The following PCDH15 variants were observed in gnomAD, a reference collection of about 807,000 sequenced individuals.
PCDH15 encodes the protein protocadherin related 15, also known as protocadherin-15.
PCDH15 carries 129 observed loss-of-function variants against 178.5 expected under a neutral mutation model. The observed-to-expected ratio is 0.72, with a 90% CI of 0.63 to 0.84. The LOEUF is 0.84. PCDH15 is among the 40% of genes least tolerant of loss of function. PCDH15 has a pLI of 0.00. For synonymous variants in PCDH15, 800 were observed against 732.0 expected (o/e 1.09, Z -1.50); for missense variants, 2,230 against 2,099.9 (o/e 1.06, Z -1.21).
chr10:55,441,392 G>T (rs7909958), intron 2 of PCDH15, among the ~76,000 whole-genome samples: 116,458 of 152,148 alleles, frequency 0.77, 45,927 homozygotes, highest in East Asian at 0.99. Context: ...ATTTTAAATT[G>T]AGAGATTGTC....
intron 3 of PCDH15, among the ~76,000 whole-genome samples, chr10:54,823,521 T>C (rs553828342): frequency 2.2e-4 from 34 of 152,264 alleles, no homozygotes; most frequent in Non-Finnish European, 4.1e-4. Context: ...TAAGCATTTT[T>C]ATATATTTTT....
chr10:54,762,147 A>G (rs1356045400), intron 1 of PCDH15, among the ~76,000 whole-genome samples: 5 of 152,034 alleles, frequency 3.3e-5, no homozygotes, highest in Admixed American at 1.3e-4. Flanking sequence ...GTCAGAGCAT[A>G]TTAATCATAA....
chr10:55,115,721 A>T (rs371126265), intron 2 of PCDH15, among the ~76,000 whole-genome samples: 2 of 152,282 alleles, frequency 1.3e-5, no homozygotes, highest in African/African-American at 4.8e-5. Flanking sequence ...TTCATCTTCC[A>T]TCTGCCATGT....
At chr10:53,953,813 G>A (rs1032620631) in intron 23 of PCDH15, among the ~76,000 whole-genome samples, 5 of 152,024 alleles carry the variant, frequency 3.3e-5, no homozygotes, top group African/African-American at 9.7e-5. Context: ...GTTCTGAGAC[G>A]AAGTCTTGCT....
intron 3 of PCDH15, among the ~76,000 whole-genome samples, chr10:54,856,951 T>A (rs1200947648): frequency 6.6e-6 from 1 of 151,696 alleles, no homozygotes; most frequent in Non-Finnish European, 1.5e-5. Context: ...TTTGTGCTGT[T>A]TTGTTTTTGT....
chr10:54,493,975 C>T (rs1434341585), intron 3 of PCDH15, among the ~76,000 whole-genome samples: 1 of 151,324 alleles, frequency 6.6e-6, no homozygotes, highest in Non-Finnish European at 1.5e-5. Flanking sequence ...TCTCAGTAAA[C>T]TATCGCAAGG....
chr10:54,367,549 A>G (rs1946986663), intron 5 of PCDH15, among the ~76,000 whole-genome samples: 1 of 151,918 alleles, frequency 6.6e-6, no homozygotes. Flanking sequence ...TCAGCAAACT[A>G]ACAAGAACAG....
intron 1 of PCDH15, among the ~76,000 whole-genome samples, chr10:54,735,062 T>A (rs1943913743): frequency 6.6e-6 from 1 of 152,046 alleles, no homozygotes; most frequent in Non-Finnish European, 1.5e-5. Context: ...ATATGAAAAC[T>A]AAATCATAAT....
chr10:54,896,589 G>A (rs1954549243), intron 3 of PCDH15, among the ~76,000 whole-genome samples: 1 of 141,622 alleles, frequency 7.1e-6, no homozygotes, highest in South Asian at 2.1e-4. Flanking sequence ...CCAATAAGAT[G>A]TTTTTTTAAA....
intron 2 of PCDH15, among the ~76,000 whole-genome samples, chr10:54,567,775 G>C (rs1468699558): frequency 2.0e-5 from 3 of 151,982 alleles, no homozygotes; most frequent in Non-Finnish European, 4.4e-5. Flanking sequence ...AATCAAAATA[G>C]GTCAAGATAT....
chr10:53,846,020 G>A (rs1004891290), intron 28 of PCDH15, among the ~76,000 whole-genome samples: 1 of 92,320 alleles, frequency 1.1e-5, no homozygotes, highest in African/African-American at 4.6e-5. Context: ...TAGTGTATGT[G>A]TATACACACA....
chr10:55,027,084 T>G (rs1289206713), intron 2 of PCDH15, among the ~76,000 whole-genome samples: 2 of 151,972 alleles, frequency 1.3e-5, no homozygotes, highest in Non-Finnish European at 2.9e-5. Flanking sequence ...GATGAAAGGT[T>G]AGCTGGTAGT....
At chr10:54,105,293 TATATATATATATATATATATATATAC>T (rs2094894685) in intron 15 of PCDH15, among the ~76,000 whole-genome samples, 1 of 92,140 alleles carries the variant, frequency 1.1e-5, no homozygotes, top group Non-Finnish European at 2.1e-5. Flanking sequence ...TATATATATA[TATATATATATATATATATATATATAC>T]ACACACACAT....
chr10:54,714,055 C>T (rs2095452280), intron 1 of PCDH15, among the ~76,000 whole-genome samples: 1 of 152,274 alleles, frequency 6.6e-6, no homozygotes, highest in Middle Eastern at 3.4e-3. Context: ...TCAGTTTTCA[C>T]ATCAGAAACA....
intron 16 of PCDH15, among the ~76,000 whole-genome samples, chr10:54,089,408 C>G (rs1192493013): frequency 1.3e-5 from 2 of 152,202 alleles, no homozygotes; most frequent in East Asian, 3.9e-4. Context: ...AGCATACAGT[C>G]TCTCTGAAGC....
intron 17 of PCDH15, among the ~76,000 whole-genome samples, chr10:54,069,230 G>T (rs145941395): frequency 5.2e-4 from 79 of 152,098 alleles, no homozygotes; most frequent in African/African-American, 1.6e-3. Context: ...TCTTCAAATT[G>T]CCTGACCCCC....
At chr10:54,017,060 G>A (rs990322580) in intron 20 of PCDH15, among the ~76,000 whole-genome samples, 1 of 152,070 alleles carries the variant, frequency 6.6e-6, no homozygotes, top group Non-Finnish European at 1.5e-5. Flanking sequence ...TTTCACTTTT[G>A]TTGCCCGGGC....
intron 2 of PCDH15, among the ~76,000 whole-genome samples, chr10:55,485,896 A>G (rs538445314): frequency 1.3e-5 from 2 of 151,804 alleles, no homozygotes; most frequent in South Asian, 4.1e-4. Context: ...TTCGATAACC[A>G]TAGTCAGTCA....
At chr10:55,182,985 A>G (rs1839692812) in intron 1 of PCDH15, among the ~76,000 whole-genome samples, 1 of 151,976 alleles carries the variant, frequency 6.6e-6, no homozygotes, top group African/African-American at 2.4e-5. Flanking sequence ...AACATGTAGC[A>G]CTACCCTTGG....
Sources: gnomAD v4.1 joint callset for allele counts (sites outside exome capture counted in the v4.1 genomes callset) on GRCh38, gnomAD v4.1.1 for gene constraint, MANE v1.5 for transcripts, NCBI Gene and HGNC (gene_info 2026-07-23, HGNC 2026-07-21) for gene names.